PTPRM: variants seen among roughly 807,000 people sequenced by gnomAD.
PTPRM encodes the protein receptor-type tyrosine-protein phosphatase mu.
Under a neutral mutation model 186.7 loss-of-function variants are expected in PTPRM, and 47 were observed. The observed-to-expected ratio is 0.25, with a 90% CI of 0.20 to 0.32. PTPRM has a LOEUF of 0.32. Among genes scored for constraint, PTPRM ranks in the 10% least tolerant of loss-of-function variants. PTPRM has a pLI of 1.00. For missense variants in PTPRM, 1,494 were observed against 1,865.0 expected, an observed-to-expected ratio of 0.80 and a Z score of 3.66; for synonymous variants, 668 against 674.9, an observed-to-expected ratio of 0.99 and a Z score of 0.16.
At chr18:8,071,441 C>G (rs1369135059) in intron 8 of PTPRM, among the ~76,000 whole-genome samples, 1 of 152,108 alleles carries the variant, frequency 6.6e-6, no homozygotes, top group Non-Finnish European at 1.5e-5. Flanking sequence ...CAGCCTTTTT[C>G]TATTCTAATG....
At chr18:8,044,886 A>G (rs1024229045) in intron 7 of PTPRM, among the ~76,000 whole-genome samples, 2 of 152,200 alleles carry the variant, frequency 1.3e-5, no homozygotes, top group Non-Finnish European at 2.9e-5. Context: ...GAAAAATTGA[A>G]TCCCTCGTAT....
At chr18:7,725,512 A>G (rs1302914881) in intron 1 of PTPRM, among the ~76,000 whole-genome samples, 1 of 151,328 alleles carries the variant, frequency 6.6e-6, no homozygotes, top group Non-Finnish European at 1.5e-5. Flanking sequence ...TTCTGCTCCA[A>G]TGTTGCCTTT....
chr18:7,822,929 G>T (rs1419373911), intron 2 of PTPRM, among the ~76,000 whole-genome samples: 2 of 152,090 alleles, frequency 1.3e-5, no homozygotes, highest in Non-Finnish European at 2.9e-5. Context: ...AACATTTGTT[G>T]TATAGTCTCC....
chr18:7,984,756 C>T (rs1568129811), intron 7 of PTPRM, among the ~76,000 whole-genome samples: 1 of 133,458 alleles, frequency 7.5e-6, no homozygotes, highest in Non-Finnish European at 1.5e-5. Context: ...ATTATATACA[C>T]ATATATAAAT....
In PTPRM at chr18:8,370,712, G is replaced by A. The variant is rs572739350; in HGVS notation, c.3055-178G>A. Among the ~76,000 whole-genome samples, 25 of 152,062 alleles carry A rather than the reference G, an allele frequency of 1.6e-4. 1 individual carries two copies. Among genetic ancestry groups the A allele is most frequent in the Admixed American group, 1.6e-3 (25 of 15,276 alleles). Reference sequence around the variant, plus strand: ...TTACGTCTCCCATAACTCAAATATTGTTTTCTTCTGAGAAGAATAAAAACA... The same window carrying A: ...TTACGTCTCCCATAACTCAAATATTATTTTCTTCTGAGAAGAATAAAAACA... On this transcript the variant is annotated intron_variant, in intron 23 of 32. Transcript: ENST00000580170.
chr18:8,258,066 C>G (rs928263395), intron 19 of PTPRM, among the ~76,000 whole-genome samples: 2 of 152,158 alleles, frequency 1.3e-5, no homozygotes, highest in South Asian at 4.1e-4. Context: ...GAAACTCAGA[C>G]ATGAATCACA....
chr18:8,032,427 GATTTC>G (rs1245087774), intron 7 of PTPRM, among the ~76,000 whole-genome samples: 1 of 151,962 alleles, frequency 6.6e-6, no homozygotes, highest in Non-Finnish European at 1.5e-5. Flanking sequence ...ATGTAATTAA[GATTTC>G]ATTTACAGCA....
chr18:8,008,786 C>T (rs561469699), intron 7 of PTPRM, among the ~76,000 whole-genome samples: 2 of 152,178 alleles, frequency 1.3e-5, no homozygotes, highest in Non-Finnish European at 2.9e-5. Context: ...ACACTGACCT[C>T]GCTCCCTCCA....
intron 1 of PTPRM, among the ~76,000 whole-genome samples, chr18:7,629,573 T>G (rs1309331302): frequency 1.3e-5 from 2 of 152,164 alleles, no homozygotes; most frequent in African/African-American, 4.8e-5. Context: ...ATGAAATGTT[T>G]TAGGAACTGA....
At chr18:7,944,221 G>C (rs1254179535) in intron 5 of PTPRM, among the ~76,000 whole-genome samples, 1 of 152,136 alleles carries the variant, frequency 6.6e-6, no homozygotes, top group Non-Finnish European at 1.5e-5. Flanking sequence ...CACAAAATGA[G>C]TAAGATACGA....
chr18:8,364,416 C>G (rs1037537735), intron 23 of PTPRM, among the ~76,000 whole-genome samples: 3 of 152,200 alleles, frequency 2.0e-5, no homozygotes, highest in Admixed American at 6.5e-5. Context: ...CCATGTGCAT[C>G]TTACTCCATC....
At chr18:7,692,452 G>A (rs960105204) in intron 1 of PTPRM, among the ~76,000 whole-genome samples, 6 of 152,172 alleles carry the variant, frequency 3.9e-5, no homozygotes, top group Non-Finnish European at 5.9e-5. Flanking sequence ...CTGCTCTCCC[G>A]CCTGGGTGAC....
At chr18:8,188,221 C>T (rs369790241) in intron 14 of PTPRM, among the ~76,000 whole-genome samples, 2 of 152,312 alleles carry the variant, frequency 1.3e-5, no homozygotes, top group South Asian at 2.1e-4. Flanking sequence ...TAAAGCTAAT[C>T]ACAGTTGTGC....
intron 7 of PTPRM, among the ~76,000 whole-genome samples, chr18:8,044,274 A>ATC (rs1176994780): frequency 1.3e-5 from 2 of 152,196 alleles, no homozygotes; most frequent in African/African-American, 4.8e-5. Flanking sequence ...TGAATAGATG[A>ATC]CATTTGAAAA....
At chr18:7,790,058 C>A (rs994779992) in intron 2 of PTPRM, among the ~76,000 whole-genome samples, 4 of 152,164 alleles carry the variant, frequency 2.6e-5, no homozygotes, top group African/African-American at 9.7e-5. Context: ...TTCTTTGCTC[C>A]TTCACTGGGG....
intron 3 of PTPRM, among the ~76,000 whole-genome samples, chr18:7,901,786 A>T (rs1264426333): frequency 6.6e-6 from 1 of 152,240 alleles, no homozygotes; most frequent in African/African-American, 2.4e-5. Flanking sequence ...AGATAACTTC[A>T]TTTAGTCGTA....
At chr18:8,240,779 A>AGGGAGG (rs1479630769) in intron 14 of PTPRM, among the ~76,000 whole-genome samples, 1 of 29,570 alleles carries the variant, frequency 3.4e-5, no homozygotes, top group Non-Finnish European at 7.0e-5. Context: ...AGAGAGAGGG[A>AGGGAGG]GAGAGAGAGA....
chr18:8,360,767 T>A (rs1039092716), intron 23 of PTPRM: 1 of 152,268 alleles, frequency 6.6e-6, no homozygotes, highest in African/African-American at 2.4e-5. Context: ...TGGATTTACA[T>A]CTTTTAGCTT....
chr18:7,853,086 CA>C (rs555577251), intron 2 of PTPRM, among the ~76,000 whole-genome samples: 113 of 152,246 alleles, frequency 7.4e-4, no homozygotes, highest in African/African-American at 2.4e-3. Context: ...TAAAAGACAT[CA>C]TGTTGCCTAA....
Sources: allele counts gnomAD v4.1 joint callset (sites outside exome capture counted in the v4.1 genomes callset), GRCh38; gene constraint gnomAD v4.1.1; transcripts MANE v1.5; gene names NCBI Gene and HGNC (gene_info 2026-07-23, HGNC 2026-07-21).